The following RNF130 variants were observed in gnomAD, a reference collection of about 807,000 sequenced individuals.
RNF130 encodes the protein E3 ubiquitin-protein ligase RNF130.
RNF130 carries 21 observed loss-of-function variants against 44.6 expected under a neutral mutation model. The ratio of observed to expected loss-of-function variants is 0.47; its 90% CI spans 0.33 to 0.68. The LOEUF is 0.68. Among genes scored for constraint, RNF130 ranks in the 30% least tolerant of loss-of-function variants. RNF130 has a pLI of 0.02. For missense variants in RNF130, 479 were observed against 560.6 expected, an observed-to-expected ratio of 0.85 and a Z score of 1.47; for synonymous variants, 214 against 210.4, an observed-to-expected ratio of 1.02 and a Z score of -0.15.
At chr5:179,932,288 C>T (rs1446479043) in intron 7 of RNF130, among the ~76,000 whole-genome samples, 16 of 152,188 alleles carry the variant, frequency 1.1e-4, no homozygotes, top group African/African-American at 3.1e-4. Context: ...GAGGGAGTCT[C>T]GCCCTGTTGC....
In RNF130 at chr5:179,920,795, A is replaced by ATTTTT. The variant is rs71959214; in HGVS notation, c.1151-374_1151-370dup. Among the ~76,000 whole-genome samples, 734 of 143,400 alleles carry ATTTTT rather than the reference A, an allele frequency of 5.1e-3. 4 individuals carry two copies. Among genetic ancestry groups the ATTTTT allele is most frequent in the African/African-American group, 0.018 (698 of 37,816 alleles). 94.1% of individuals were successfully genotyped at this position (143,400 alleles called of 152,430 possible). A position where few individuals can be genotyped will look rare whatever the true frequency, so the allele number is the denominator to read the frequency against. On this transcript the variant is annotated intron_variant, in intron 7 of 7. Coordinates refer to the RNF130 transcript ENST00000522208. Reference sequence around the variant, plus strand: ...CATATATATTTATATATATATATATATTTTTTTTTTTGAGATGGAGTTTTG... The same window carrying ATTTTT: ...CATATATATTTATATATATATATATATTTTTTTTTTTTTTTTGAGATGGAGTTTTG...
chr5:179,983,333 CTTTTTT>C (rs35802224), intron 3 of RNF130, among the ~76,000 whole-genome samples: 2 of 108,400 alleles, frequency 1.8e-5, no homozygotes, highest in South Asian at 3.0e-4. Context: ...TACAGATGAA[CTTTTTT>C]TTTTTTTTTT....
At chr5:180,050,795 T>A (rs1764670740) in intron 1 of RNF130, among the ~76,000 whole-genome samples, 1 of 152,212 alleles carries the variant, frequency 6.6e-6, no homozygotes, top group Admixed American at 6.5e-5. Context: ...TCGGGGTTGT[T>A]CTTGCACTGT....
chr5:179,960,033 G>A (rs948757374), intron 8 of RNF130, among the ~76,000 whole-genome samples: 2 of 152,030 alleles, frequency 1.3e-5, no homozygotes, highest in Non-Finnish European at 2.9e-5. Context: ...CTACACATTT[G>A]TATATGTTCC....
chr5:180,067,465 G>C (rs1231785337), intron 1 of RNF130, among the ~76,000 whole-genome samples: 16 of 152,178 alleles, frequency 1.1e-4, no homozygotes. Context: ...ACGTTTAGAG[G>C]TTCGCTGTAA....
rs151198009 is a variant in RNF130, at chr5:179,998,258, C to T, written c.693+14803G>A. On this transcript the variant is annotated intron_variant, in intron 3 of 8. Coordinates refer to ENST00000521389, the MANE Select transcript of RNF130 (RefSeq NM_018434.6). ...CTTCTTCAAACTGCTTTTGCTGTAT[C>T]CCATAGGTTTTGGTATTTTCTTTTC... Among the ~76,000 whole-genome samples the T allele has an allele frequency of 3.2e-3, 484 of 152,266 alleles. 2 individuals are homozygous for T. The highest frequency in any genetic ancestry group is 3.9e-3 in the Non-Finnish European group (267 of 68,024).
intron 1 of RNF130, among the ~76,000 whole-genome samples, chr5:180,061,056 G>A (rs1054184112): frequency 3.5e-5 from 4 of 114,636 alleles, no homozygotes; most frequent in Non-Finnish European, 6.5e-5. Flanking sequence ...GGGCGACAGC[G>A]AGACTCCGTC....
At position 179,986,348 on chromosome 5, in the gene RNF130, T is replaced by C. The variant is rs185860998; in HGVS notation, c.694-6148A>G. On this transcript the variant is annotated intron_variant, in intron 3 of 8. Coordinates refer to ENST00000521389, the MANE Select transcript of RNF130 (RefSeq NM_018434.6). ...TGGTACAAATCAAGCAATACAACTT[T>C]TTCTTGTAACGTCATGACTTCTCTC... Among the ~76,000 whole-genome samples the C allele has an allele frequency of 2.6e-5, 4 of 152,352 alleles. No individual in the cohort carries two copies. In the East Asian group the frequency reaches 7.7e-4, roughly 29 times the overall value.
At chr5:179,954,420 TACA>T (rs745617055), downstream of RNF130, among the ~76,000 whole-genome samples, 43 of 152,296 alleles carry the variant, frequency 2.8e-4, no homozygotes, top group Non-Finnish European at 5.4e-4. Context: ...TGACACATGC[TACA>T]ACATGTATGA....
chr5:180,017,524 T>C (rs1305045882), intron 2 of RNF130, among the ~76,000 whole-genome samples: 2 of 152,198 alleles, frequency 1.3e-5, no homozygotes, highest in Non-Finnish European at 2.9e-5. Flanking sequence ...CAATGGTATT[T>C]GTAAAATTCT....
At chr5:179,998,892 A>ATATATATATC (rs1267233811) in intron 3 of RNF130, among the ~76,000 whole-genome samples, 1 of 101,058 alleles carries the variant, frequency 9.9e-6, no homozygotes, top group African/African-American at 3.8e-5. Context: ...TATGTTTTAT[A>ATATATATATC]TATCTGAGTG....
At chr5:179,944,161 G>A (rs893789799) in intron 7 of RNF130, among the ~76,000 whole-genome samples, 2 of 152,048 alleles carry the variant, frequency 1.3e-5, no homozygotes, top group African/African-American at 4.8e-5. Context: ...TAGAGACGGG[G>A]GGGTTCACCA....
At chr5:180,032,706 A>G (rs1372957706) in intron 2 of RNF130, among the ~76,000 whole-genome samples, 1 of 152,208 alleles carries the variant, frequency 6.6e-6, no homozygotes, top group Non-Finnish European at 1.5e-5. Context: ...CTGTCCTTCT[A>G]CCAATACCAC....
chr5:180,009,866 C>T (rs902419266), intron 3 of RNF130, among the ~76,000 whole-genome samples: 1 of 152,088 alleles, frequency 6.6e-6, no homozygotes, highest in African/African-American at 2.4e-5. Flanking sequence ...CTTCAATGAG[C>T]GAGCAATTAA....
At chr5:179,944,813 T>C (rs1346285877) in intron 7 of RNF130, among the ~76,000 whole-genome samples, 1 of 152,136 alleles carries the variant, frequency 6.6e-6, no homozygotes, top group African/African-American at 2.4e-5. Flanking sequence ...TCTGGCTCTG[T>C]GAAAGGGGCT....
intron 1 of RNF130, among the ~76,000 whole-genome samples, chr5:180,069,740 G>A (rs556629930): frequency 6.3e-4 from 96 of 152,338 alleles, no homozygotes; most frequent in Admixed American, 1.9e-3. Flanking sequence ...CACAATGGAC[G>A]TAAAGCACAG....
At chr5:179,998,553 C>T (rs1032237941) in intron 3 of RNF130, among the ~76,000 whole-genome samples, 12 of 152,030 alleles carry the variant, frequency 7.9e-5, no homozygotes, top group African/African-American at 2.2e-4. Flanking sequence ...TCTGCCTCAC[C>T]TTCCCAAGTA....
chr5:179,958,235 G>GT (rs1762253990), intron 8 of RNF130, among the ~76,000 whole-genome samples: 2 of 152,128 alleles, frequency 1.3e-5, no homozygotes, highest in African/African-American at 4.8e-5. Flanking sequence ...CCTATTAATG[G>GT]TTATACCATC....
chr5:179,979,985 T>C (rs1197351091), intron 4 of RNF130, 144 bp downstream of exon 4: 1 of 592,974 alleles, frequency 1.7e-6, no homozygotes, highest in East Asian at 2.8e-5. Context: ...TGTAAGAAGG[T>C]AGTTTAAAAT....
Sources: gnomAD v4.1 joint callset for allele counts (sites outside exome capture counted in the v4.1 genomes callset) on GRCh38, gnomAD v4.1.1 for gene constraint, MANE v1.5 for transcripts, NCBI Gene and HGNC (gene_info 2026-07-23, HGNC 2026-07-21) for gene names.